The following OR2I1 variants were observed in gnomAD, a reference collection of about 807,000 sequenced individuals.
OR2I1 encodes the protein putative olfactory receptor 2I1.
the OR2I1 span, chr6:29,555,189 A>C: frequency 6.6e-6 from 1 of 152,266 alleles, no homozygotes; most frequent in East Asian, 1.9e-4. Context: ...ATCCCTGTGG[A>C]AAATACCTTT....
the OR2I1 span, chr6:29,555,287 A>G: frequency 6.6e-6 from 1 of 152,624 alleles, no homozygotes; most frequent in African/African-American, 2.4e-5. Context: ...GCCAGACTTC[A>G]TTTCATACAA....
At chr6:29,553,283 TG>T in the OR2I1 span, 1 of 399,068 alleles carries the variant, frequency 2.5e-6, no homozygotes, top group Non-Finnish European at 4.4e-6. Context: ...TGGCCTTCCC[TG>T]CAGCCGGTCC....
the OR2I1 span, chr6:29,553,506 C>T: frequency 2.5e-6 from 1 of 398,650 alleles, no homozygotes; most frequent in Non-Finnish European, 4.4e-6. Flanking sequence ...GCAGCCACTG[C>T]ACGGCCCAGC....
chr6:29,556,268 A>C, the OR2I1 span: 1 of 1,613,102 alleles, frequency 6.2e-7, no homozygotes, highest in Non-Finnish European at 8.5e-7. Context: ...CTTAGACCGG[A>C]CATGTTCTTT....
chr6:29,553,090 A>G, the OR2I1 span: 1 of 397,450 alleles, frequency 2.5e-6, no homozygotes, highest in African/African-American at 2.1e-5. Flanking sequence ...TACAATCCAC[A>G]AACTGACCTT....
At chr6:29,555,965 C>T in the OR2I1 span, 127 of 1,613,124 alleles carry the variant, frequency 7.9e-5, no homozygotes, top group Non-Finnish European at 8.9e-5. Flanking sequence ...ATCTTCCAGT[C>T]TCTTTCCATT....
At chr6:29,551,866 A>T in the OR2I1 span, among the ~76,000 whole-genome samples, 3 of 152,262 alleles carry the variant, frequency 2.0e-5, no homozygotes. Flanking sequence ...ATTAATGCTT[A>T]TTCTGCCCAG....
At chr6:29,556,422 T>G in the OR2I1 span, 2 of 1,110,884 alleles carry the variant, frequency 1.8e-6, no homozygotes, top group Admixed American at 4.1e-5. Context: ...CCCACCACAA[T>G]GGCTCCCCCT....
the OR2I1 span, chr6:29,553,290 G>A: frequency 2.7e-4 from 107 of 399,018 alleles, 1 homozygote; most frequent in Non-Finnish European, 2.1e-4. Context: ...CCCTGCAGCC[G>A]GTCCTCTTCG....
the OR2I1 span, chr6:29,556,515 C>A: frequency 1.7e-6 from 1 of 577,700 alleles, no homozygotes; most frequent in Non-Finnish European, 3.1e-6. Flanking sequence ...TTGGAATTAC[C>A]AAGTTACAAC....
chr6:29,553,990 A>C, the OR2I1 span: 2 of 398,648 alleles, frequency 5.0e-6, no homozygotes. Flanking sequence ...GGCCATCTAC[A>C]CCTACCTGCA....
At chr6:29,554,091 C>T in the OR2I1 span, 2 of 398,936 alleles carry the variant, frequency 5.0e-6, no homozygotes, top group Non-Finnish European at 4.4e-6. Context: ...TCATCTACAC[C>T]CTCAGGAATA....
chr6:29,551,155 T>A, the OR2I1 span, among the ~76,000 whole-genome samples: 2 of 152,306 alleles, frequency 1.3e-5, no homozygotes, highest in South Asian at 2.1e-4. Flanking sequence ...GGCTGAACAG[T>A]TATGTGTCCG....
the OR2I1 span, chr6:29,556,628 C>T: frequency 1.3e-5 from 6 of 450,792 alleles, no homozygotes; most frequent in East Asian, 1.7e-4. Context: ...AACGGACGCT[C>T]TTTTGCTCAG....
the OR2I1 span, among the ~76,000 whole-genome samples, chr6:29,552,327 A>T: frequency 6.6e-6 from 1 of 152,244 alleles, no homozygotes; most frequent in African/African-American, 2.4e-5. Context: ...ATAACTGGCT[A>T]AAGGGAGCTA....
chr6:29,556,388 C>G, the OR2I1 span: 1 of 1,537,854 alleles, frequency 6.5e-7, no homozygotes, highest in African/African-American at 1.4e-5. Context: ...ACCTAGGATG[C>G]CTGCCTCCTT....
chr6:29,555,349 G>A, the OR2I1 span: 3 of 153,166 alleles, frequency 2.0e-5, no homozygotes, highest in African/African-American at 4.8e-5. Flanking sequence ...TTTCTAAAAT[G>A]TTTAGTAATT....
chr6:29,556,172 T>C, the OR2I1 span: 1 of 1,613,062 alleles, frequency 6.2e-7, no homozygotes, highest in Non-Finnish European at 8.5e-7. Context: ...CTTCTCTTTG[T>C]CAATGCCATA....
the OR2I1 span, chr6:29,553,406 G>T: frequency 2.5e-6 from 1 of 398,732 alleles, no homozygotes; most frequent in African/African-American, 2.1e-5. Context: ...TACTTCCTCT[G>T]CCACCTGGCC....
Sources: gnomAD v4.1 joint callset for allele counts (sites outside exome capture counted in the v4.1 genomes callset) on GRCh38, gnomAD v4.1.1 for gene constraint, MANE v1.5 for transcripts, NCBI Gene and HGNC (gene_info 2026-07-23, HGNC 2026-07-21) for gene names.